Variants in ALMS1 observed in about 807,000 individuals in gnomAD.
The protein encoded by ALMS1 is ALMS1 centrosome and basal body associated protein.
ALMS1 carries 271 observed loss-of-function variants against 352.2 expected under a neutral mutation model. The observed-to-expected ratio is 0.77, with a 90% CI of 0.70 to 0.85. ALMS1 has a LOEUF of 0.85. Among genes scored for constraint, ALMS1 ranks in the 40% least tolerant of loss-of-function variants. The pLI is 0.00. For missense variants in ALMS1, 5,445 were observed against 4,870.7 expected (o/e 1.12, Z -3.51); for synonymous variants, 1,865 against 1,761.2 (o/e 1.06, Z -1.48).
chr2:73,514,342 C>G (rs1167834078), intron 10 of ALMS1, among the ~76,000 whole-genome samples: 1 of 151,108 alleles, frequency 6.6e-6, no homozygotes, highest in Non-Finnish European at 1.5e-5. Context: ...AGTGGTTATT[C>G]TAGAGATTAT....
At chr2:73,587,898 T>C (rs1675344259) in intron 16 of ALMS1, among the ~76,000 whole-genome samples, 1 of 152,162 alleles carries the variant, frequency 6.6e-6, no homozygotes, top group Non-Finnish European at 1.5e-5. Flanking sequence ...AACCTTTACA[T>C]GTACAAACTA....
At chr2:73,428,311 G>A (rs1481590167) in intron 6 of ALMS1, among the ~76,000 whole-genome samples, 2 of 152,206 alleles carry the variant, frequency 1.3e-5, no homozygotes, top group East Asian at 3.9e-4. Context: ...GCAATTGGGG[G>A]AACCAGTATT....
intron 10 of ALMS1, among the ~76,000 whole-genome samples, chr2:73,504,752 T>TTA (rs891076480): frequency 6.6e-6 from 1 of 152,178 alleles, no homozygotes; most frequent in Non-Finnish European, 1.5e-5. Context: ...TTTTTATACT[T>TTA]TAAGTTTTGG....
rs202048689 is a variant in ALMS1, at chr2:73,490,455, T to A, written c.8496T>A (p.Asn2832Lys). 77 of 1,613,988 alleles carry A rather than the reference T, an allele frequency of 4.8e-5. 1 individual carries two copies. Among genetic ancestry groups the A allele is most frequent in the Non-Finnish European group, 1.4e-5 (16 of 1,180,038 alleles). The stretch of plus-strand genomic sequence containing the variant: ...CCAGTACCAGGGCAAATTGTAGCAA[T>A]TTCAAGGAAATTCAGATTTCTGATA... ...SEPSTRANCS[N>K]FKEIQISDNH... Residue 2832 changes from asparagine (N) to lysine (K), a missense_variant, in exon 10 of 23, where the codon AAT (asparagine) becomes AAA (lysine). By Grantham distance (94) the Asn-to-Lys change is moderately conservative (BLOSUM62 0). Transcript: ENST00000613296.
At chr2:73,543,422 A>G (rs1375728172) in intron 12 of ALMS1, among the ~76,000 whole-genome samples, 1 of 152,180 alleles carries the variant, frequency 6.6e-6, no homozygotes, top group Non-Finnish European at 1.5e-5. Flanking sequence ...CCTAGAAGAA[A>G]ACCTAGGCAA....
In ALMS1 at chr2:73,528,025, A is replaced by G. The variant is rs1172888491; in HGVS notation, c.9782-6799A>G. On this transcript the variant is annotated intron_variant, in intron 11 of 22. Coordinates refer to ENST00000613296, the MANE Select transcript of ALMS1 (RefSeq NM_001378454.1). ...CTTGACCCACTGGTCATTCAGAAAC[A>G]TTATTTCATTTCCATGCATTTGTAT... 7.9e-5 allele frequency among the ~76,000 whole-genome samples: 12 copies of G among 152,150 alleles called. 1 individual carries two copies. Among genetic ancestry groups the G allele is most frequent in the Admixed American group, 3.9e-4 (6 of 15,286 alleles).
In ALMS1 at chr2:73,531,440, T is replaced by C. The variant is rs533938358; in HGVS notation, c.9782-3384T>C. 1.9e-4 allele frequency among the ~76,000 whole-genome samples: 29 copies of C among 152,342 alleles called. No individual in the cohort carries two copies. In the South Asian group the frequency reaches 2.5e-3, roughly 13 times the overall value. ...TCCCAACAAGTTTCTCATCTCCATC[T>C]GAGACTACCTCAACCTGGACTTCAT... is the stretch of plus-strand genomic sequence containing the variant. On this transcript the variant is annotated intron_variant, in intron 11 of 22. Transcript: ENST00000613296.
In ALMS1 at chr2:73,452,294, G is replaced by C. The variant is rs772665115; in HGVS notation, c.5767G>C (p.Val1923Leu). 1.4e-5 allele frequency: 23 copies of C among 1,613,914 alleles called. No homozygotes were observed. The highest frequency in any genetic ancestry group is 3.3e-5 in the Admixed American group (2 of 59,966). The change falls in exon 8 of 23, where the codon GTT (valine) becomes CTT (leucine). Residue 1923 changes from valine (V) to leucine (L), a missense_variant. Physicochemically the swap from Val to Leu is conservative, Grantham distance 32. Coordinates refer to ENST00000613296, the MANE Select transcript of ALMS1 (RefSeq NM_001378454.1). ...VTEEALNVFV[V>L]PGQGDRKTEI... is the part of the protein sequence containing the mutation. ...TGAAGAAGCTTTAAATGTTTTTGTT[G>C]TTCCTGGACAAGGTGACCGGAAGAC...
chr2:73,543,047 T>C (rs1391810881), intron 12 of ALMS1, among the ~76,000 whole-genome samples: 2 of 151,840 alleles, frequency 1.3e-5, no homozygotes, highest in East Asian at 1.9e-4. Context: ...AAAAAGAGCC[T>C]GCATCGCCAC....
intron 1 of ALMS1, among the ~76,000 whole-genome samples, chr2:73,403,520 T>C (rs1264315674): frequency 6.6e-6 from 1 of 152,208 alleles, no homozygotes; most frequent in Non-Finnish European, 1.5e-5. Context: ...TTAGAGTCTT[T>C]TGTGGTTCTA....
chr2:73,476,799 A>G (rs1672592207), intron 9 of ALMS1, among the ~76,000 whole-genome samples: 1 of 151,976 alleles, frequency 6.6e-6, no homozygotes, highest in African/African-American at 2.4e-5. Context: ...TGTCCTTTAT[A>G]TGTTCTGGAT....
chr2:73,489,994 T>G lies in ALMS1; in HGVS notation c.8035T>G (p.Trp2679Gly), dbSNP rs1403694361. The change falls in exon 10 of 23, where the codon TGG becomes GGG. Residue 2679 changes from tryptophan (W) to glycine (G), a missense_variant. Coordinates refer to ENST00000613296, the MANE Select transcript of ALMS1 (RefSeq NM_001378454.1). Reference sequence around the variant, plus strand: ...GCCATTCGATGAAAAGATGGACCCTTGGCTGTCAGAATTAGTAGAACCTGC... The same window carrying G: ...GCCATTCGATGAAAAGATGGACCCTGGGCTGTCAGAATTAGTAGAACCTGC... ...RMPFDEKMDP[W>G]LSELVEPAFV... The G allele has an allele frequency of 5.6e-6, 9 of 1,614,108 alleles. No homozygotes were observed. The African/African-American group carries it at 1.2e-4, about 22-fold the overall frequency.
chr2:73,522,772 C>G (rs1028911470), intron 11 of ALMS1, among the ~76,000 whole-genome samples: 6 of 152,126 alleles, frequency 3.9e-5, no homozygotes, highest in Non-Finnish European at 7.4e-5. Flanking sequence ...TGGCCAAGGT[C>G]ATTTTTTATT....
Position 73,452,204 on chromosome 2 carries a change from T to G in ALMS1, c.5677T>G (p.Ser1893Ala). The stretch of plus-strand genomic sequence containing the variant: ...GAAGACTGGGATACAAATAGCATCC[T>G]CTAGTTCCTACTCAAATAGAGAGAA... ...DQKTGIQIAS[S>A]SSYSNREKAS... Residue 1893 changes from serine (S) to alanine (A), a missense_variant, in exon 8 of 23, where the codon TCT becomes GCT. By Grantham distance (99) the Ser-to-Ala change is moderately conservative. Transcript: ENST00000613296. 1.2e-6 allele frequency: 2 copies of G among 1,614,112 alleles called. No individual in the cohort carries two copies. The highest frequency in any genetic ancestry group is 1.7e-6 in the Non-Finnish European group (2 of 1,180,012).
chr2:73,470,346 C>T (rs188502918), intron 9 of ALMS1: 57 of 151,680 alleles, frequency 3.8e-4, no homozygotes, highest in African/African-American at 1.3e-3. Context: ...CCCTCTTAGT[C>T]CTGATTTTGC....
chr2:73,416,975 C>T, intron 2 of ALMS1, among the ~76,000 whole-genome samples: 1 of 152,042 alleles, frequency 6.6e-6, no homozygotes, highest in East Asian at 1.9e-4. Context: ...TGCCAGTAGT[C>T]CCAGCTACTC....
At chr2:73,600,238 T>C (rs982312330) in intron 17 of ALMS1, among the ~76,000 whole-genome samples, 2 of 152,228 alleles carry the variant, frequency 1.3e-5, no homozygotes, top group Non-Finnish European at 2.9e-5. Context: ...GATTTTTAGC[T>C]ATTGCCTTTC....
At chr2:73,499,309 C>G (rs1431368502) in intron 10 of ALMS1, among the ~76,000 whole-genome samples, 1 of 152,136 alleles carries the variant, frequency 6.6e-6, no homozygotes, top group Non-Finnish European at 1.5e-5. Context: ...TTGTCTTCTT[C>G]ACTTTATTGA....
Position 73,573,055 on chromosome 2 carries a change from T to G in ALMS1, c.11178T>G (p.Gly3726=), listed in dbSNP as rs1364784162. The G allele has an allele frequency of 6.2e-7, 1 of 1,613,614 alleles. No individual in the cohort carries two copies. The highest frequency in any genetic ancestry group is 1.7e-5 in the Admixed American group (1 of 59,938). Residue 3726 remains glycine (G), a synonymous_variant, in exon 16 of 23, where the codon GGT becomes GGG. Coordinates refer to ENST00000613296, the MANE Select transcript of ALMS1 (RefSeq NM_001378454.1). ...AATATATTCTGAGTAAACAGCCAGG[T>G]TTTAATTATATAAGCAACACTTCTT... ...FDKYILSKQP[G]FNYISNTSSD...
Sources: allele counts gnomAD v4.1 joint callset (sites outside exome capture counted in the v4.1 genomes callset), GRCh38; gene constraint gnomAD v4.1.1; transcripts MANE v1.5; gene names NCBI Gene and HGNC (gene_info 2026-07-23, HGNC 2026-07-21).